Variants in C3orf22 observed in about 807,000 individuals in gnomAD.
C3orf22 encodes the protein chromosome 3 open reading frame 22.
Under a neutral mutation model 10.8 loss-of-function variants are expected in C3orf22, and 7 were observed. The ratio of observed to expected loss-of-function variants is 0.65; its 90% CI spans 0.37 to 1.22. The LOEUF is 1.22. C3orf22 is among the 50% of genes most tolerant of loss of function. The pLI, the probability that C3orf22 is intolerant of heterozygous loss-of-function variation, is 0.02. For missense variants in C3orf22, 173 were observed against 177.0 expected, an observed-to-expected ratio of 0.98 and a Z score of 0.13; for synonymous variants, 79 against 78.9, an observed-to-expected ratio of 1.00 and a Z score of 0.00.
At chr3:126,556,807 CCA>C (rs1225503518) in intron 1 of C3orf22, among the ~76,000 whole-genome samples, 5 of 134,472 alleles carry the variant, frequency 3.7e-5, no homozygotes, top group Non-Finnish European at 3.2e-5. Context: ...TCAGGCTCAC[CCA>C]CACACACAGA....
Position 126,552,001 on chromosome 3 carries a change from G to C in C3orf22, c.211C>G (p.Arg71Gly). Residue 71 changes from arginine (R) to glycine (G), a missense_variant, in exon 3 of 4, where the codon CGA becomes GGA. Coordinates refer to ENST00000318225, the MANE Select transcript of C3orf22 (RefSeq NM_152533.3). ...RLVPTRSIPVRGLGAPDFTSP... is the reference protein window; with the variant it reads ...RLVPTRSIPVGGLGAPDFTSP... ...GGCATCAGGGCAGGGACTTACCCTC[G>C]GACTGGGATGGACCTCGTTGGCACC... is the stretch of plus-strand genomic sequence containing the variant. The C allele has an allele frequency of 6.2e-7, 1 of 1,608,548 alleles. No homozygotes were observed. Among genetic ancestry groups the C allele is most frequent in the Non-Finnish European group, 8.5e-7 (1 of 1,176,814 alleles).
chr3:126,542,231 G>A, intron 4 of C3orf22: 1 of 1,510,308 alleles, frequency 6.6e-7, no homozygotes, highest in Non-Finnish European at 8.8e-7. Context: ...GCGCTTCGCG[G>A]AGTTCCTGGC....
intron 4 of C3orf22, chr3:126,541,797 G>T (rs963741993): frequency 1.9e-6 from 3 of 1,545,986 alleles, no homozygotes; most frequent in African/African-American, 2.8e-5. Flanking sequence ...AGCGCCTGTA[G>T]CCGCCACTCA....
chr3:126,552,216 G>T, intron 2 of C3orf22, 94 bp from the exon 3 acceptor site: 2 of 1,553,752 alleles, frequency 1.3e-6, no homozygotes, highest in South Asian at 1.2e-5. Flanking sequence ...GCTAGGCACT[G>T]TTCTAAGTGC....
chr3:126,541,144 C>T (rs1377419973), intron 4 of C3orf22, among the ~76,000 whole-genome samples: 1 of 152,164 alleles, frequency 6.6e-6, no homozygotes, highest in Non-Finnish European at 1.5e-5. Context: ...AGGTTAAAGC[C>T]AGTCGTTGTT....
chr3:126,555,338 AGAG>A (rs953840031), intron 1 of C3orf22, among the ~76,000 whole-genome samples: 4 of 152,178 alleles, frequency 2.6e-5, no homozygotes, highest in African/African-American at 7.2e-5. Context: ...CTGCCCATTC[AGAG>A]GAGAGATGAG....
At chr3:126,536,358 G>A in intron 4 of C3orf22, 1 of 1,611,970 alleles carries the variant, frequency 6.2e-7, no homozygotes, top group African/African-American at 1.3e-5. Context: ...GATCAGGTAG[G>A]TGGACAGACC....
At chr3:126,534,660 G>T (rs1380913318) in intron 4 of C3orf22, among the ~76,000 whole-genome samples, 1 of 148,862 alleles carries the variant, frequency 6.7e-6, no homozygotes, top group Non-Finnish European at 1.5e-5. Flanking sequence ...CAGATAGACA[G>T]CATTGCTGTC....
Position 126,552,024 on chromosome 3 carries a change from A to T in C3orf22, c.188T>A (p.Val63Glu). Residue 63 changes from valine (V) to glutamate (E), a missense_variant, in exon 3 of 4, where the codon GTG becomes GAG. By Grantham distance (121) the Val-to-Glu change is moderately radical. Transcript: ENST00000318225. ...TVQLPLQKRL[V>E]PTRSIPVRGL... The stretch of plus-strand genomic sequence containing the variant: ...TCGGACTGGGATGGACCTCGTTGGC[A>T]CCAACCTCTTCTGCAGGGGCAGCTG... The T allele has an allele frequency of 6.2e-7, 1 of 1,613,506 alleles. No individual in the cohort carries two copies. The highest frequency in any genetic ancestry group is 8.5e-7 in the Non-Finnish European group (1 of 1,179,702).
chr3:126,557,762 G>A (rs941290245), intron 1 of C3orf22, among the ~76,000 whole-genome samples: 6 of 152,218 alleles, frequency 3.9e-5, no homozygotes, highest in Non-Finnish European at 7.3e-5. Context: ...CCCTGCTCAC[G>A]ACCTGTCCCT....
intron 3 of C3orf22, among the ~76,000 whole-genome samples, chr3:126,550,523 T>C (rs1254494658): frequency 2.0e-5 from 3 of 152,168 alleles, no homozygotes; most frequent in African/African-American, 7.2e-5. Flanking sequence ...AGCAGCTACA[T>C]GCAGGACCCA....
chr3:126,529,228 G>C (rs1403677120), exon 5 of C3orf22: 1 of 972,530 alleles, frequency 1.0e-6, no homozygotes, highest in African/African-American at 1.7e-5. Flanking sequence ...GTTTCACCCG[G>C]TATCTTGATT....
Position 126,549,705 on chromosome 3 carries a change from C to T in C3orf22, c.*163G>A, listed in dbSNP as rs1937135830. On this transcript the variant is annotated 3_prime_UTR_variant, in exon 4 of 4. Transcript: ENST00000318225. ...TCCAGCTGGAAGTGGGGTGGGAACTCGCAGTTTATTAGCTTGGTGTAGCTT... is the reference window on the plus strand; with the variant it reads ...TCCAGCTGGAAGTGGGGTGGGAACTTGCAGTTTATTAGCTTGGTGTAGCTT... 3.3e-6 allele frequency: 5 copies of T among 1,524,732 alleles called. No individual in the cohort carries two copies. The highest frequency in any genetic ancestry group is 1.2e-5 in the South Asian group (1 of 82,018). 94.5% of individuals were successfully genotyped at this position (1,524,732 alleles called of 1,614,324 possible). A position where few individuals can be genotyped will look rare whatever the true frequency, so the allele number is the denominator to read the frequency against.
chr3:126,556,229 G>T (rs1188599583), intron 1 of C3orf22, among the ~76,000 whole-genome samples: 1 of 152,170 alleles, frequency 6.6e-6, no homozygotes, highest in Non-Finnish European at 1.5e-5. Flanking sequence ...TCCGGCTGCA[G>T]AGATGCACTA....
Position 126,550,013 on chromosome 3 carries a change from G to A in C3orf22, c.281C>T (p.Pro94Leu). The A allele has an allele frequency of 6.2e-7, 1 of 1,614,140 alleles. No homozygotes were observed. Among genetic ancestry groups the A allele is most frequent in the Non-Finnish European group, 8.5e-7 (1 of 1,180,016 alleles). Residue 94 changes from proline to leucine, a missense_variant, in exon 4 of 4, where the codon CCA (proline) becomes CTA (leucine). By Grantham distance (98) the Pro-to-Leu change is moderately conservative (BLOSUM62 -3). Transcript: ENST00000318225. Reference protein sequence around the residue: ...SCPAPLPAPSPPPLCNLWELK... With the variant: ...SCPAPLPAPSLPPLCNLWELK... The stretch of plus-strand genomic sequence containing the variant: ...TTCCCAAAGGTTGCACAGTGGAGGT[G>A]GTGATGGTGCTGGTAGTGGTGCCGG...
exon 6 of C3orf22, chr3:126,527,809 A>G (rs1369889545): frequency 6.6e-6 from 1 of 152,214 alleles, no homozygotes; most frequent in Non-Finnish European, 1.5e-5. Context: ...GAGGACCTCC[A>G]GAAAGTACCG....
chr3:126,536,223 G>A lies in C3orf22; in HGVS notation c.287-6851C>T, dbSNP rs1184845162. The A allele has an allele frequency of 2.6e-6, 4 of 1,553,690 alleles. No homozygotes were observed. In the Admixed American group the frequency reaches 6.7e-5, roughly 26 times the overall value. ...GGGTTGGCCAAACCCCCAGGTCCAT[G>A]CAAGTCCCTCTGATATGGTGGCGAC... On this transcript the variant is annotated intron_variant and NMD_transcript_variant, in intron 4 of 5. Coordinates refer to the C3orf22 transcript ENST00000505070.
chr3:126,541,984 C>T, intron 4 of C3orf22: 3 of 1,564,318 alleles, frequency 1.9e-6, no homozygotes, highest in Non-Finnish European at 2.6e-6. Flanking sequence ...AAGAGGCGCA[C>T]GCGCCTGGCC....
At chr3:126,551,917 T>G (rs756761028) in intron 3 of C3orf22, 80 bp downstream of exon 3, 11 of 1,478,766 alleles carry the variant, frequency 7.4e-6, no homozygotes, top group Non-Finnish European at 9.1e-6. Context: ...CATGAACGTC[T>G]GCATGCAAAA....
Sources: gnomAD v4.1 joint callset for allele counts (sites outside exome capture counted in the v4.1 genomes callset) on GRCh38, gnomAD v4.1.1 for gene constraint, MANE v1.5 for transcripts, NCBI Gene and HGNC (gene_info 2026-07-23, HGNC 2026-07-21) for gene names.